The following DMD variants were observed in gnomAD, a reference collection of about 807,000 sequenced individuals.
The protein encoded by DMD is mutant dystrophin.
A neutral mutation model predicts 330.1 loss-of-function variants in DMD; 63 were observed. The ratio of observed to expected loss-of-function variants is 0.19; its 90% CI spans 0.16 to 0.24. The LOEUF (loss-of-function observed/expected upper bound fraction) is 0.24. Ranked by LOEUF, DMD falls within the 10% of genes least tolerant of loss-of-function variation. The pLI, the probability that DMD is intolerant of heterozygous loss-of-function variation, is 1.00. For synonymous variants in DMD, 1,223 were observed against 959.8 expected (o/e 1.27, Z -5.07); for missense variants, 3,344 against 2,684.1 (o/e 1.25, Z -5.43).
At chrX:31,407,811 A>G (rs976023816) in intron 60 of DMD, among the ~76,000 whole-genome samples, 5 of 110,948 alleles carry the variant, frequency 4.5e-5, no homozygotes, top group African/African-American at 1.6e-4. Context: ...CACTCAACGT[A>G]CAGCTCAAAT....
At chrX:31,983,855 T>C (rs374189994) in intron 44 of DMD, among the ~76,000 whole-genome samples, 100 of 111,745 alleles carry the variant, frequency 8.9e-4, no homozygotes, top group African/African-American at 3.1e-3. Context: ...TTATTATTCC[T>C]AGGGTAAAGA....
intron 19 of DMD, among the ~76,000 whole-genome samples, chrX:32,491,729 C>G (rs1440346027): frequency 9.0e-6 from 1 of 110,885 alleles, no homozygotes; most frequent in Admixed American, 9.6e-5. Context: ...AATATCAATG[C>G]CATCAAGTAA....
At chrX:32,068,230 G>A (rs1193603600) in intron 44 of DMD, among the ~76,000 whole-genome samples, 1 of 110,993 alleles carries the variant, frequency 9.0e-6, no homozygotes, top group African/African-American at 3.3e-5. Context: ...AATTGTTTAG[G>A]TTCCTCATAG....
At chrX:32,490,706 T>TA (rs1031560913) in intron 20 of DMD, among the ~76,000 whole-genome samples, 5 of 111,624 alleles carry the variant, frequency 4.5e-5, no homozygotes, top group African/African-American at 1.6e-4. Flanking sequence ...CTTTCTGGAC[T>TA]AAAAGGGGTA....
At chrX:31,998,574 A>C (rs1374008392) in intron 44 of DMD, among the ~76,000 whole-genome samples, 1 of 112,027 alleles carries the variant, frequency 8.9e-6, no homozygotes, top group Non-Finnish European at 1.9e-5. Flanking sequence ...GTAAACAAAA[A>C]TAAAAACAAC....
chrX:32,866,853 C>A (rs2082553214), intron 2 of DMD, among the ~76,000 whole-genome samples: 1 of 109,886 alleles, frequency 9.1e-6, no homozygotes, highest in African/African-American at 3.3e-5. Flanking sequence ...CCTGCCTCAG[C>A]CTTCCAAGTA....
chrX:32,371,537 A>G (rs1052283083), intron 34 of DMD, among the ~76,000 whole-genome samples: 11 of 111,328 alleles, frequency 9.9e-5, no homozygotes, highest in Admixed American at 8.7e-4. Flanking sequence ...GGAATCTTTG[A>G]TGCTTAAAAC....
chrX:33,009,013 C>T (rs375531191), intron 2 of DMD, among the ~76,000 whole-genome samples: 1 of 96,738 alleles, frequency 1.0e-5, no homozygotes, highest in East Asian at 3.4e-4. Flanking sequence ...TACACACATA[C>T]ACACGTATAT....
chrX:31,144,713 G>A (rs2036486084), intron 76 of DMD, among the ~76,000 whole-genome samples: 1 of 111,320 alleles, frequency 9.0e-6, no homozygotes, highest in Non-Finnish European at 1.9e-5. Flanking sequence ...AGATTTGAGA[G>A]GACCAAGTAT....
intron 26 of DMD, among the ~76,000 whole-genome samples, chrX:32,449,586 T>G (rs2098321218): frequency 9.3e-6 from 1 of 107,751 alleles, no homozygotes; most frequent in Non-Finnish European, 1.9e-5. Context: ...CTACAATGTT[T>G]TTTTTTTTTT....
intron 43 of DMD, among the ~76,000 whole-genome samples, chrX:32,240,155 G>A (rs2097202695): frequency 9.0e-6 from 1 of 111,475 alleles, no homozygotes; most frequent in Non-Finnish European, 1.9e-5. Flanking sequence ...ATACTTGGTG[G>A]GCTTCAATAT....
At chrX:31,750,923 G>C (rs1332546034) in intron 51 of DMD, among the ~76,000 whole-genome samples, 1 of 106,211 alleles carries the variant, frequency 9.4e-6, no homozygotes, top group Admixed American at 1.0e-4. Context: ...AAAATACCTA[G>C]GAATCCAACT....
chrX:31,283,926 T>C (rs2052821868), intron 62 of DMD, among the ~76,000 whole-genome samples: 1 of 111,654 alleles, frequency 9.0e-6, no homozygotes, highest in African/African-American at 3.3e-5. Flanking sequence ...GCTCTTCAAC[T>C]TACAATGAGG....
chrX:32,213,668 A>G (rs945930227), intron 44 of DMD, among the ~76,000 whole-genome samples: 19 of 112,046 alleles, frequency 1.7e-4, no homozygotes, highest in African/African-American at 6.2e-4. Context: ...ACTAAATAAA[A>G]TGGTCTTTTT....
chrX:32,262,606 T>A (rs1417794291), intron 43 of DMD, among the ~76,000 whole-genome samples: 1 of 110,853 alleles, frequency 9.0e-6, no homozygotes, highest in East Asian at 2.8e-4. Flanking sequence ...AATATATGTC[T>A]CAATAAGTAT....
intron 50 of DMD, among the ~76,000 whole-genome samples, chrX:31,804,201 C>T (rs1192326113): frequency 1.8e-5 from 2 of 111,531 alleles, no homozygotes; most frequent in African/African-American, 6.5e-5. Context: ...CACAGTTCCC[C>T]TGAACCCTAA....
chrX:32,553,110 G>A (rs1467977170), intron 16 of DMD, among the ~76,000 whole-genome samples: 1 of 111,925 alleles, frequency 8.9e-6, no homozygotes, highest in African/African-American at 3.2e-5. Context: ...AAAGACACAT[G>A]CACATGTATG....
intron 44 of DMD, among the ~76,000 whole-genome samples, chrX:32,106,687 C>G (rs541302450): frequency 1.8e-5 from 2 of 111,520 alleles, no homozygotes; most frequent in Non-Finnish European, 3.8e-5. Context: ...ATCAGGATCT[C>G]GAATTATGTT....
At chrX:31,428,629 C>A (rs950343432) in intron 60 of DMD, among the ~76,000 whole-genome samples, 2 of 112,001 alleles carry the variant, frequency 1.8e-5, no homozygotes, top group African/African-American at 6.5e-5. Flanking sequence ...TTCCTCCCAT[C>A]CTTCCATTCT....
Sources: allele counts gnomAD v4.1 joint callset (sites outside exome capture counted in the v4.1 genomes callset), GRCh38; gene constraint gnomAD v4.1.1; transcripts MANE v1.5; gene names NCBI Gene and HGNC (gene_info 2026-07-23, HGNC 2026-07-21).